The following ZNF776 variants were observed in gnomAD, a reference collection of about 807,000 sequenced individuals.
ZNF776 encodes the protein zinc finger protein 776.
Under a neutral mutation model 7.0 loss-of-function variants are expected in ZNF776, and 4 were observed. The observed-to-expected ratio is 0.57, with a 90% CI of 0.28 to 1.31. The LOEUF (loss-of-function observed/expected upper bound fraction) is 1.31, where lower values mean the gene tolerates loss of function less well. Ranked by LOEUF, ZNF776 falls within the 50% of genes most tolerant of loss-of-function variation. The pLI, the probability that ZNF776 is intolerant of heterozygous loss-of-function variation, is 0.10. For synonymous variants in ZNF776, 212 were observed against 213.7 expected (o/e 0.99, Z 0.07); for missense variants, 555 against 625.9 (o/e 0.89, Z 1.21).
rs1986666471 is a variant in ZNF776, at chr19:57,753,433, T to C, written c.303T>C (p.Asp101=). Residue 101 remains aspartate (D), a synonymous_variant, in exon 3 of 3, where the codon GAT becomes GAC. Coordinates refer to ENST00000317178, the MANE Select transcript of ZNF776 (RefSeq NM_173632.4). ...GAATGTGTGGCCCTCTCCTGGGAGA[T>C]ATCTTACACCAGGGAACACAACACA... ...LWGMCGPLLG[D]ILHQGTQHNQ... The C allele has an allele frequency of 1.2e-6, 2 of 1,614,036 alleles. No homozygotes were observed. The highest frequency in any genetic ancestry group is 1.3e-5 in the African/African-American group (1 of 74,912).
Position 57,756,691 on chromosome 19 carries a change from G to A in ZNF776, c.*2004G>A. On this transcript the variant is annotated 3_prime_UTR_variant, in exon 3 of 3. Coordinates refer to ENST00000317178, the MANE Select transcript of ZNF776 (RefSeq NM_173632.4). The stretch of plus-strand genomic sequence containing the variant: ...ACACACTTTGGTGCTTCTGAGAACA[G>A]CACAAAATTATTCTCTTGTTTATAA... 1 of 203,298 alleles carries A rather than the reference G, an allele frequency of 4.9e-6. No homozygotes were observed. The highest frequency in any genetic ancestry group is 5.9e-5 in the South Asian group (1 of 16,970). The allele number at this position is 203,298 out of a possible 1,614,324, so 12.6% of individuals were successfully genotyped here.
chr19:57,752,696 C>G (rs756569131), intron 2 of ZNF776, among the ~76,000 whole-genome samples: 1 of 152,228 alleles, frequency 6.6e-6, no homozygotes, highest in Non-Finnish European at 1.5e-5. Context: ...GTTCTATACC[C>G]TGTCACTTCT....
In ZNF776 at chr19:57,757,728, T is replaced by C. The variant is rs1472825310; in HGVS notation, c.*3041T>C. 1 of 152,218 alleles carries C rather than the reference T, an allele frequency of 6.6e-6. No individual in the cohort carries two copies. The highest frequency in any genetic ancestry group is 1.5e-5 in the Non-Finnish European group (1 of 68,042). The allele number at this position is 152,218 out of a possible 1,614,324, so 9.4% of individuals were successfully genotyped here. On this transcript the variant is annotated 3_prime_UTR_variant, in exon 3 of 3. Coordinates refer to ENST00000317178, the MANE Select transcript of ZNF776 (RefSeq NM_173632.4). ...GGGAGTATTGCTTGAGGTAAGAAGT[T>C]TGAGACTAGCCTGGGTCCCATAGTA... is the stretch of plus-strand genomic sequence containing the variant.
Position 57,753,757 on chromosome 19 carries a change from C to A in ZNF776, c.627C>A (p.Ile209=), listed in dbSNP as rs747388977. The A allele has an allele frequency of 6.2e-7, 1 of 1,614,224 alleles. No homozygotes were observed. Among genetic ancestry groups the A allele is most frequent in the Non-Finnish European group, 8.5e-7 (1 of 1,180,048 alleles). ...IPLQGGKTHY[I]CGESTIPFSN... ...TTCAGGGTGGAAAAACTCATTACAT[C>A]TGTGGAGAGTCCACAATACCGTTTA... Residue 209 remains isoleucine (I), a synonymous_variant, in exon 3 of 3, where the codon ATC becomes ATA. Transcript: ENST00000317178.
At chr19:57,748,540 A>T (rs1197735065) in intron 1 of ZNF776, among the ~76,000 whole-genome samples, 1 of 152,170 alleles carries the variant, frequency 6.6e-6, no homozygotes, top group Non-Finnish European at 1.5e-5. Context: ...GCCATGGGTC[A>T]CATTAAGGAG....
At chr19:57,752,787 G>A (rs989305422) in intron 2 of ZNF776, among the ~76,000 whole-genome samples, 1 of 152,108 alleles carries the variant, frequency 6.6e-6, no homozygotes, top group Non-Finnish European at 1.5e-5. Flanking sequence ...CATCTGCAGT[G>A]GACTCCAATA....
chr19:57,748,762 T>C (rs1190970557), intron 1 of ZNF776, among the ~76,000 whole-genome samples: 3 of 151,936 alleles, frequency 2.0e-5, no homozygotes, highest in Admixed American at 6.6e-5. Flanking sequence ...AGACATGAAA[T>C]AGATATATGC....
In ZNF776 at chr19:57,747,037, C is replaced by T. The variant is rs774349233; in HGVS notation, c.-22C>T. The stretch of plus-strand genomic sequence containing the variant: ...GCACTGCTCGCCCCCTCCTTTCGAC[C>T]CCGCTTTCCCCACCCAGTCGGATGG... On this transcript the variant is annotated 5_prime_UTR_variant, in exon 1 of 3. Coordinates refer to ENST00000317178, the MANE Select transcript of ZNF776 (RefSeq NM_173632.4). The T allele has an allele frequency of 2.3e-5, 36 of 1,575,132 alleles. No individual in the cohort carries two copies. Among genetic ancestry groups the T allele is most frequent in the Middle Eastern group, 1.7e-4 (1 of 6,000 alleles).
At position 57,753,699 on chromosome 19, in the gene ZNF776, A is replaced by G. The variant is rs1267727383; in HGVS notation, c.569A>G (p.Lys190Arg). 3 of 1,614,218 alleles carry G rather than the reference A, an allele frequency of 1.9e-6. No individual in the cohort carries two copies. The highest frequency in any genetic ancestry group is 1.7e-6 in the Non-Finnish European group (2 of 1,180,036). The stretch of plus-strand genomic sequence containing the variant: ...CAAGAGGACATTCACACTTCAGGGA[A>G]GTCAAACTTTGAAACTAAGCATGGG... Reference protein sequence around the residue: ...LQQEDIHTSGKSNFETKHGIP... With the variant: ...LQQEDIHTSGRSNFETKHGIP... The change falls in exon 3 of 3, where the codon AAG (lysine) becomes AGG (arginine). Residue 190 changes from lysine to arginine, a missense_variant. Coordinates refer to ENST00000317178, the MANE Select transcript of ZNF776 (RefSeq NM_173632.4).
rs1986808410 is a variant in ZNF776, at chr19:57,757,395, G to A, written c.*2708G>A. ...ATACCAAAAAGCCATCCCTGAATTA[G>A]TAGGAGGAAGAGGATAGGGAGAAAG... On this transcript the variant is annotated 3_prime_UTR_variant, in exon 3 of 3. Transcript: ENST00000317178. 6.6e-6 allele frequency: 1 copy of A among 152,256 alleles called. No homozygotes were observed. Among genetic ancestry groups the A allele is most frequent in the Non-Finnish European group, 1.5e-5 (1 of 68,130 alleles). The allele number at this position is 152,256 out of a possible 1,614,324, so 9.4% of individuals were successfully genotyped here. A position where few individuals can be genotyped will look rare whatever the true frequency, so the allele number is the denominator to read the frequency against.
intron 2 of ZNF776, 84 bp from the exon 3 acceptor site, chr19:57,753,207 C>A: frequency 7.6e-7 from 1 of 1,315,808 alleles, no homozygotes; most frequent in Non-Finnish European, 1.1e-6. Flanking sequence ...ATAAGTACAA[C>A]AAAGCAGCTG....
At chr19:57,752,633 C>T (rs191383054) in intron 2 of ZNF776, among the ~76,000 whole-genome samples, 286 of 152,270 alleles carry the variant, frequency 1.9e-3, no homozygotes, top group African/African-American at 6.6e-3. Flanking sequence ...GGCAACATGA[C>T]GAGCCATATG....
intron 1 of ZNF776, 142 bp from the exon 2 acceptor site, chr19:57,750,643 C>G: frequency 9.1e-7 from 1 of 1,098,194 alleles, no homozygotes; most frequent in Middle Eastern, 2.4e-4. Flanking sequence ...ACACCATGAC[C>G]AGTGAGCCCA....
At chr19:57,752,633 C>G (rs191383054) in intron 2 of ZNF776, among the ~76,000 whole-genome samples, 1 of 152,150 alleles carries the variant, frequency 6.6e-6, no homozygotes, top group African/African-American at 2.4e-5. Context: ...GGCAACATGA[C>G]GAGCCATATG....
intron 1 of ZNF776, among the ~76,000 whole-genome samples, chr19:57,748,054 C>T (rs1986491409): frequency 6.6e-6 from 1 of 152,100 alleles, no homozygotes. Flanking sequence ...GATGTTGCCA[C>T]AGTTTCATCT....
At position 57,750,859 on chromosome 19, in the gene ZNF776, A is replaced by T; in HGVS notation, c.108A>T (p.Arg36Ser). The T allele has an allele frequency of 6.2e-7, 1 of 1,613,332 alleles. No individual in the cohort carries two copies. The highest frequency in any genetic ancestry group is 8.5e-7 in the Non-Finnish European group (1 of 1,179,542). Residue 36 changes from arginine (R) to serine (S), a missense_variant, in exon 2 of 3, where the codon AGA becomes AGT. Arg to Ser is a moderately radical substitution (Grantham distance 110). Coordinates refer to ENST00000317178, the MANE Select transcript of ZNF776 (RefSeq NM_173632.4). ...EEWSLLSEAQ[R>S]CLYHDVMLEN... Reference sequence around the variant, plus strand: ...GGAGTCTCCTTAGTGAGGCTCAGAGATGCCTTTATCATGACGTGATGCTGG... The same window carrying T: ...GGAGTCTCCTTAGTGAGGCTCAGAGTTGCCTTTATCATGACGTGATGCTGG...
At position 57,750,896 on chromosome 19, in the gene ZNF776, CTT is replaced by C. The variant is rs1337448802; in HGVS notation, c.146_147del (p.Leu49HisfsTer17). The C allele has an allele frequency of 1.9e-6, 3 of 1,610,500 alleles. No homozygotes were observed. Among genetic ancestry groups the C allele is most frequent in the East Asian group, 2.2e-5 (1 of 44,748 alleles). ...TGACGTGATGCTGGAGAACCTGACA[CTT>C]ATATCTTCTCTAGGTAAGGCACTCA... Reference protein sequence around the residue: ...YHDVMLENLTLISSLGCWYGA... With the variant: ...YHDVMLENLTXISSLGCWYGA... On this transcript the variant is annotated frameshift_variant, in exon 2 of 3. Transcript: ENST00000317178. LOFTEE classifies it low-confidence loss of function (END_TRUNC).
In ZNF776 at chr19:57,758,016, T is replaced by C. The variant is rs1665076806; in HGVS notation, c.*3329T>C. The C allele has an allele frequency of 6.6e-6, 1 of 152,222 alleles. No individual in the cohort carries two copies. Among genetic ancestry groups the C allele is most frequent in the Non-Finnish European group, 1.5e-5 (1 of 68,044 alleles). The allele number at this position is 152,222 out of a possible 1,614,324, so 9.4% of individuals were successfully genotyped here. A position where few individuals can be genotyped will look rare whatever the true frequency, so the allele number is the denominator to read the frequency against. ...ATTTTGACATTCATCAATCATGATATATGAGTAGTTCATTCTTTTTATCTT... is the reference window on the plus strand; with the variant it reads ...ATTTTGACATTCATCAATCATGATACATGAGTAGTTCATTCTTTTTATCTT... On this transcript the variant is annotated 3_prime_UTR_variant, in exon 3 of 3. Transcript: ENST00000317178.
intron 2 of ZNF776, among the ~76,000 whole-genome samples, chr19:57,751,568 A>G (rs1165830874): frequency 6.6e-6 from 1 of 151,762 alleles, no homozygotes; most frequent in Non-Finnish European, 1.5e-5. Flanking sequence ...GTCTGGCTGT[A>G]TTGCCCAGGC....
Sources: gnomAD v4.1 joint callset for allele counts (sites outside exome capture counted in the v4.1 genomes callset) on GRCh38, gnomAD v4.1.1 for gene constraint, MANE v1.5 for transcripts, NCBI Gene and HGNC (gene_info 2026-07-23, HGNC 2026-07-21) for gene names.